Variants in AKAP1 observed in about 807,000 individuals in gnomAD.
The protein encoded by AKAP1 is A-kinase anchoring protein 1.
AKAP1 carries 32 observed loss-of-function variants against 79.8 expected under a neutral mutation model. The ratio of observed to expected loss-of-function variants is 0.40; its 90% CI spans 0.30 to 0.54. The LOEUF is 0.54. AKAP1 is among the 20% of genes least tolerant of loss of function. AKAP1 has a pLI of 0.47. For synonymous variants in AKAP1, 416 were observed against 466.7 expected, an observed-to-expected ratio of 0.89 and a Z score of 1.40; for missense variants, 961 against 1,138.9, an observed-to-expected ratio of 0.84 and a Z score of 2.25.
chr17:57,110,069 C>T lies in AKAP1; in HGVS notation c.1759C>T (p.Leu587Phe), dbSNP rs749819420. ...SMDSVDSCCS[L>F]KKTESFQNAQ... ...GGATTCCGTGGATAGCTGTTGCAGT[C>T]TCAAGAAGACTGAGAGCTTCCAAAA... Residue 587 changes from leucine to phenylalanine, a missense_variant, in exon 3 of 11, where the codon CTC (leucine) becomes TTC (phenylalanine). Physicochemically the swap from Leu to Phe is conservative, Grantham distance 22. This residue lies in a region of AKAP1 where 629 missense variants were observed against 781.1 expected (regional missense o/e 0.81). Transcript: ENST00000337714. 79 of 1,614,140 alleles carry T rather than the reference C, an allele frequency of 4.9e-5. No individual in the cohort carries two copies. The highest frequency in any genetic ancestry group is 1.7e-4 in the Middle Eastern group (1 of 6,052).
rs774291823 is a variant in AKAP1 at position 57,106,292 on chromosome 17, C to A, written c.828C>A (p.His276Gln). The A allele has an allele frequency of 5.8e-5, 94 of 1,614,046 alleles. No homozygotes were observed. The highest frequency in any genetic ancestry group is 7.7e-5 in the Non-Finnish European group (91 of 1,180,042). The change falls in exon 2 of 11, where the codon CAC (histidine) becomes CAA (glutamine). Residue 276 changes from histidine to glutamine, a missense_variant. Coordinates refer to ENST00000337714, the MANE Select transcript of AKAP1 (RefSeq NM_003488.4). ...CAAGTAGGTTCATCGAGTCGGCTCA[C>A]ACAGAGCTGGCAAAGGACGATGCGG... ...KLPSRFIESAHTELAKDDAAP... is the reference protein window; with the variant it reads ...KLPSRFIESAQTELAKDDAAP...
At chr17:57,099,982 CAACT>C (rs1339476470) in intron 1 of AKAP1, among the ~76,000 whole-genome samples, 1 of 152,080 alleles carries the variant, frequency 6.6e-6, no homozygotes. Flanking sequence ...GTGGGACCAG[CAACT>C]AACTGCTGGA....
intron 6 of AKAP1, among the ~76,000 whole-genome samples, chr17:57,115,420 C>T (rs1915520854): frequency 1.3e-5 from 2 of 152,222 alleles, no homozygotes; most frequent in Admixed American, 6.5e-5. Flanking sequence ...CAGGGGTTCT[C>T]TCCAAGGGTC....
Position 57,111,697 on chromosome 17 carries a change from T to C in AKAP1, c.1849-101T>C. Reference sequence around the variant, plus strand: ...TAAATGCTGACATGGTAACAGCTAATATGTTTGAGCATGATCTTGTGTAAA... The same window carrying C: ...TAAATGCTGACATGGTAACAGCTAACATGTTTGAGCATGATCTTGTGTAAA... On this transcript the variant is annotated intron_variant, in intron 3 of 10. Transcript: ENST00000337714. 7 of 1,417,800 alleles carry C rather than the reference T, an allele frequency of 4.9e-6. No individual in the cohort carries two copies. In the South Asian group the frequency reaches 5.1e-5, roughly 10 times the overall value. 87.8% of individuals were successfully genotyped at this position (1,417,800 alleles called of 1,614,324 possible). A position where few individuals can be genotyped will look rare whatever the true frequency, so the allele number is the denominator to read the frequency against.
intron 1 of AKAP1, among the ~76,000 whole-genome samples, chr17:57,100,451 A>ACACACACGCC: frequency 6.6e-6 from 1 of 151,818 alleles, no homozygotes; most frequent in African/African-American, 2.4e-5. Flanking sequence ...ACACACGCAC[A>ACACACACGCC]CACACACACA....
intron 2 of AKAP1, among the ~76,000 whole-genome samples, chr17:57,109,270 T>A (rs1915090588): frequency 6.6e-6 from 1 of 152,156 alleles, no homozygotes. Context: ...TTTGGCACGC[T>A]CTTGAGTGAG....
chr17:57,089,480 T>C (rs1300803512), intron 1 of AKAP1, among the ~76,000 whole-genome samples: 2 of 152,222 alleles, frequency 1.3e-5, no homozygotes, highest in Non-Finnish European at 2.9e-5. Flanking sequence ...AAAAAATTTC[T>C]TAGTGACATT....
At position 57,114,697 on chromosome 17, in the gene AKAP1, A is replaced by G. The variant is rs941087834; in HGVS notation, c.2281+61A>G. 14 of 1,495,466 alleles carry G rather than the reference A, an allele frequency of 9.4e-6. No individual in the cohort carries two copies. In the South Asian group the frequency reaches 1.6e-4, roughly 17 times the overall value. The allele number at this position is 1,495,466 out of a possible 1,614,324, so 92.6% of individuals were successfully genotyped here. ...CCTGGGGTTGCCTGTTCTGCCCTGG[A>G]TCCTGATCAGGAGGAGGCTGTTCTG... On this transcript the variant is annotated intron_variant, in intron 6 of 10. Transcript: ENST00000337714.
At chr17:57,112,435 T>C in intron 4 of AKAP1, 56 bp from the exon 5 acceptor site, 1 of 1,584,334 alleles carries the variant, frequency 6.3e-7, no homozygotes, top group Non-Finnish European at 8.6e-7. Context: ...TTTGTGAGTG[T>C]GGGTGTGAGT....
In AKAP1 at chr17:57,120,456, C is replaced by CT; in HGVS notation, c.*133dup. The CT allele has an allele frequency of 5.6e-6, 4 of 714,152 alleles. No individual in the cohort carries two copies. Among genetic ancestry groups the CT allele is most frequent in the Non-Finnish European group, 9.2e-6 (4 of 436,860 alleles). The allele number at this position is 714,152 out of a possible 1,614,324, so 44.2% of individuals were successfully genotyped here. A position where few individuals can be genotyped will look rare whatever the true frequency, so the allele number is the denominator to read the frequency against. On this transcript the variant is annotated 3_prime_UTR_variant, in exon 11 of 11. Transcript: ENST00000337714. ...TCCTTTCTTTCTCCATACTGTAGTC[C>CT]TATTGAGAAGACATTTCGTCTCTGA...
chr17:57,086,314 G>A lies in AKAP1; in HGVS notation c.-25+916G>A. The stretch of plus-strand genomic sequence containing the variant: ...CAGTGGCTGGATGCCTCGAACGCGG[G>A]CTTTCTGGCGTTCAACTCTTTTGTG... On this transcript the variant is annotated intron_variant, in intron 1 of 10. Coordinates refer to ENST00000337714, the MANE Select transcript of AKAP1 (RefSeq NM_003488.4). The surrounding 1 kb of genome is among the most constrained non-coding windows in gnomAD (Gnocchi z 5.1). 1 of 409,504 alleles carries A rather than the reference G, an allele frequency of 2.4e-6. No homozygotes were observed. Among genetic ancestry groups the A allele is most frequent in the Admixed American group, 2.8e-5 (1 of 36,024 alleles). 25.4% of individuals were successfully genotyped at this position (409,504 alleles called of 1,614,324 possible).
At chr17:57,112,749 C>T (rs1405362368) in intron 5 of AKAP1, 131 bp downstream of exon 5, 1 of 1,314,480 alleles carries the variant, frequency 7.6e-7, no homozygotes, top group African/African-American at 1.5e-5. Flanking sequence ...CTTCTCTGGC[C>T]TCTGCTGGTC....
intron 1 of AKAP1, 29 bp from the exon 2 acceptor site, chr17:57,105,412 C>G: frequency 6.2e-7 from 1 of 1,605,814 alleles, no homozygotes; most frequent in Admixed American, 1.7e-5. Flanking sequence ...CTGTAACATC[C>G]CTCCTCCCCG....
In AKAP1 at chr17:57,107,120, G is replaced by A. The variant is rs768806608; in HGVS notation, c.1656G>A (p.Leu552=). 6.2e-7 allele frequency: 1 copy of A among 1,610,066 alleles called. No individual in the cohort carries two copies. Among genetic ancestry groups the A allele is most frequent in the Non-Finnish European group, 8.5e-7 (1 of 1,177,114 alleles). The part of the protein sequence containing the change: ...PFSNGVLKGE[L]SDLGAEDGWT... Reference sequence around the variant, plus strand: ...GCAATGGGGTGCTGAAGGGGGAGTTGTCAGACTTGGGGGCTGAGGATGGAT... The same window carrying A: ...GCAATGGGGTGCTGAAGGGGGAGTTATCAGACTTGGGGGCTGAGGATGGAT... Residue 552 remains leucine (L), a synonymous_variant, in exon 2 of 11, where the codon TTG becomes TTA. Transcript: ENST00000337714.
At chr17:57,108,026 C>T (rs981764160) in intron 2 of AKAP1, 43 of 1,248,462 alleles carry the variant, frequency 3.4e-5, no homozygotes, top group Non-Finnish European at 4.1e-5. Flanking sequence ...CCAGCGTAGA[C>T]AGTTCAGACC....
At chr17:57,112,389 T>C in intron 4 of AKAP1, 102 bp from the exon 5 acceptor site, 1 of 1,424,576 alleles carries the variant, frequency 7.0e-7, no homozygotes. Context: ...TTGAACTCTA[T>C]GCAAAGTCCA....
chr17:57,094,920 C>G (rs1392902486), intron 1 of AKAP1: 2 of 151,906 alleles, frequency 1.3e-5, no homozygotes, highest in African/African-American at 4.8e-5. Context: ...GAAGATGGGT[C>G]TTGAATGAAA....
At chr17:57,088,806 C>T (rs182830343) in intron 1 of AKAP1, among the ~76,000 whole-genome samples, 7 of 152,240 alleles carry the variant, frequency 4.6e-5, no homozygotes, top group African/African-American at 9.6e-5. Context: ...ACATTCTGTC[C>T]GGGTCTTCAC....
At position 57,085,258 on chromosome 17, in the gene AKAP1, CTCTGTGT is replaced by C. The variant is rs1913370805; in HGVS notation, c.-162_-156del. The stretch of plus-strand genomic sequence containing the variant: ...GCCGCGCGTCTTCAGTATTTAATGT[CTCTGTGT>C]TCCACCCGCCTGGGCTAGCACGTGG... On this transcript the variant is annotated 5_prime_UTR_variant, in exon 1 of 11. An upstream open reading frame in the 5' UTR loses its in-frame stop. Transcript: ENST00000337714. 6.6e-6 allele frequency: 1 copy of C among 150,838 alleles called. No homozygotes were observed. Among genetic ancestry groups the C allele is most frequent in the Non-Finnish European group, 1.5e-5 (1 of 67,620 alleles). The allele number at this position is 150,838 out of a possible 1,614,324, so 9.3% of individuals were successfully genotyped here. A position where few individuals can be genotyped will look rare whatever the true frequency, so the allele number is the denominator to read the frequency against.
Sources: gnomAD v4.1 joint callset for allele counts (sites outside exome capture counted in the v4.1 genomes callset) on GRCh38, gnomAD v4.1.1 for gene constraint, gnomAD v4.1.1 regional missense constraint, Gnocchi (gnomAD v3.1) non-coding constraint, MANE v1.5 for transcripts, NCBI Gene and HGNC (gene_info 2026-07-23, HGNC 2026-07-21) for gene names.